IL1RAPL2: variants seen among roughly 807,000 people sequenced by gnomAD.
IL1RAPL2 encodes X-linked interleukin-1 receptor accessory protein-like 2.
Under a neutral mutation model 44.1 loss-of-function variants are expected in IL1RAPL2, and 3 were observed. The observed-to-expected ratio is 0.07, with a 90% CI of 0.03 to 0.18. The LOEUF is 0.18. Among genes scored for constraint, IL1RAPL2 ranks in the 10% least tolerant of loss-of-function variants. The pLI is 1.00. For synonymous variants in IL1RAPL2, 181 were observed against 178.8 expected, an observed-to-expected ratio of 1.01 and a Z score of -0.10; for missense variants, 391 against 496.4, an observed-to-expected ratio of 0.79 and a Z score of 2.02.
intron 1 of IL1RAPL2, among the ~76,000 whole-genome samples, chrX:104,595,121 A>G (rs1339751788): frequency 2.7e-5 from 3 of 111,950 alleles, no homozygotes; most frequent in Non-Finnish European, 5.6e-5. Context: ...GGACAGCAGT[A>G]TGGACCTGCT....
chrX:104,846,417 A>G (rs1215659828), intron 2 of IL1RAPL2, among the ~76,000 whole-genome samples: 2 of 109,938 alleles, frequency 1.8e-5, no homozygotes, highest in East Asian at 2.9e-4. Flanking sequence ...TCATTGTTCA[A>G]TTCCCACCTA....
At chrX:104,672,306 C>A (rs1275364165) in intron 2 of IL1RAPL2, among the ~76,000 whole-genome samples, 1 of 110,310 alleles carries the variant, frequency 9.1e-6, no homozygotes, top group African/African-American at 3.3e-5. Flanking sequence ...TCCATGTGAT[C>A]TCATTGTTCA....
chrX:104,923,650 A>G (rs1924699312), intron 2 of IL1RAPL2, among the ~76,000 whole-genome samples: 1 of 111,774 alleles, frequency 8.9e-6, no homozygotes, highest in Non-Finnish European at 1.9e-5. Flanking sequence ...AAATGCTCAA[A>G]GGTGTGATAA....
At chrX:105,531,206 C>A (rs891119413) in intron 6 of IL1RAPL2, among the ~76,000 whole-genome samples, 3 of 111,809 alleles carry the variant, frequency 2.7e-5, no homozygotes, top group Non-Finnish European at 5.6e-5. Flanking sequence ...AAATCATTGC[C>A]AACATTTCCT....
At chrX:105,488,098 TGGTA>T (rs1327170262) in intron 6 of IL1RAPL2, among the ~76,000 whole-genome samples, 1 of 112,049 alleles carries the variant, frequency 8.9e-6, no homozygotes, top group East Asian at 2.8e-4. Flanking sequence ...GACAACATCA[TGGTA>T]GATTAAAGGT....
At chrX:105,733,093 GTCTT>G (rs745809224) in intron 7 of IL1RAPL2, among the ~76,000 whole-genome samples, 2 of 111,452 alleles carry the variant, frequency 1.8e-5, no homozygotes, top group Admixed American at 9.5e-5. Context: ...GTCTGAGAAA[GTCTT>G]TATTTATCCA....
intron 2 of IL1RAPL2, among the ~76,000 whole-genome samples, chrX:104,933,318 C>T (rs1434448762): frequency 9.0e-6 from 1 of 111,265 alleles, no homozygotes; most frequent in Non-Finnish European, 1.9e-5. Context: ...TCATCTTTCC[C>T]CCCATGCAGT....
intron 2 of IL1RAPL2, among the ~76,000 whole-genome samples, chrX:104,726,822 T>TAC (rs2147568213): frequency 9.0e-6 from 1 of 111,034 alleles, no homozygotes; most frequent in Non-Finnish European, 1.9e-5. Context: ...CCTCATAGTA[T>TAC]AATTTGAAGT....
chrX:105,193,445 A>G lies in IL1RAPL2; in HGVS notation c.83-2030A>G, dbSNP rs113806892. ...TAACATACTTATATCATTACCTCTC[A>G]GTTGTTTTAATGCATGCAAACAGTA... On this transcript the variant is annotated intron_variant, in intron 2 of 10. Coordinates refer to ENST00000372582, the MANE Select transcript of IL1RAPL2 (RefSeq NM_017416.2). Among the ~76,000 whole-genome samples the G allele has an allele frequency of 4.5e-3, 499 of 112,008 alleles. 2 individuals are homozygous for G. The highest frequency in any genetic ancestry group is 0.015 in the African/African-American group (468 of 30,888).
intron 6 of IL1RAPL2, among the ~76,000 whole-genome samples, chrX:105,532,387 C>T (rs2036643977): frequency 9.0e-6 from 1 of 111,245 alleles, no homozygotes; most frequent in African/African-American, 3.3e-5. Flanking sequence ...AATTTCTGTA[C>T]CCATACCAAT....
chrX:105,248,327 T>C (rs1368269198), intron 4 of IL1RAPL2, among the ~76,000 whole-genome samples: 2 of 111,683 alleles, frequency 1.8e-5, no homozygotes, highest in African/African-American at 6.5e-5. Flanking sequence ...TCAGATTATA[T>C]GATTGCATAC....
intron 2 of IL1RAPL2, among the ~76,000 whole-genome samples, chrX:104,666,512 A>G (rs1397003476): frequency 8.9e-6 from 1 of 111,853 alleles, no homozygotes; most frequent in Non-Finnish European, 1.9e-5. Context: ...AGAATAATTG[A>G]GCCTTCTATT....
chrX:105,750,176 T>C (rs1049499215), intron 9 of IL1RAPL2, among the ~76,000 whole-genome samples: 2 of 110,227 alleles, frequency 1.8e-5, no homozygotes, highest in Non-Finnish European at 3.8e-5. Flanking sequence ...ATCATATGGG[T>C]GGGTTTTAAT....
chrX:105,729,864 GGAAGGAAGGAAA>G (rs1339262058), intron 7 of IL1RAPL2, among the ~76,000 whole-genome samples: 1 of 80,323 alleles, frequency 1.2e-5, no homozygotes, highest in Admixed American at 1.5e-4. Flanking sequence ...AAGAGACGAA[GGAAGGAAGGAAA>G]GAAGGAAGGA....
intron 2 of IL1RAPL2, among the ~76,000 whole-genome samples, chrX:105,004,899 A>T (rs1343702434): frequency 9.0e-6 from 1 of 111,124 alleles, no homozygotes; most frequent in Non-Finnish European, 1.9e-5. Context: ...GTTCAAGGTT[A>T]AAATATCCCC....
chrX:104,907,044 T>C (rs1158422303), intron 2 of IL1RAPL2, among the ~76,000 whole-genome samples: 1 of 111,108 alleles, frequency 9.0e-6, no homozygotes, highest in Non-Finnish European at 1.9e-5. Context: ...AGTGTATGTG[T>C]TGAGGAATTT....
At chrX:104,939,670 G>A (rs1490483742) in intron 2 of IL1RAPL2, among the ~76,000 whole-genome samples, 1 of 111,721 alleles carries the variant, frequency 9.0e-6, no homozygotes, top group Non-Finnish European at 1.9e-5. Context: ...ACTATTCACA[G>A]TAATCAAAAG....
chrX:105,158,880 C>G (rs2033295638), intron 2 of IL1RAPL2, among the ~76,000 whole-genome samples: 1 of 111,417 alleles, frequency 9.0e-6, no homozygotes, highest in Admixed American at 9.6e-5. Flanking sequence ...GGATCTCTTT[C>G]TGTCTCGGCA....
chrX:105,043,107 T>C (rs185913945), intron 2 of IL1RAPL2, among the ~76,000 whole-genome samples: 1 of 98,777 alleles, frequency 1.0e-5, no homozygotes, highest in Non-Finnish European at 2.0e-5. Flanking sequence ...AGGGAGAGCA[T>C]TGGGAGATAT....
Sources: allele counts gnomAD v4.1 joint callset (sites outside exome capture counted in the v4.1 genomes callset), GRCh38; gene constraint gnomAD v4.1.1; transcripts MANE v1.5; gene names NCBI Gene and HGNC (gene_info 2026-07-23, HGNC 2026-07-21).